The following PTBP2 variants were observed in gnomAD, a reference collection of about 807,000 sequenced individuals.
PTBP2 encodes the protein polypyrimidine tract binding protein 2.
A neutral mutation model predicts 61.4 loss-of-function variants in PTBP2; 13 were observed. That is an observed-to-expected ratio of 0.21 (90% CI 0.14 to 0.34). The LOEUF (loss-of-function observed/expected upper bound fraction) is 0.34, where lower values mean the gene tolerates loss of function less well. PTBP2 is among the 10% of genes least tolerant of loss of function. The probability of loss-of-function intolerance (pLI) is 1.00; values close to 1 mark genes in which losing one functional copy is unlikely to be tolerated. For synonymous variants in PTBP2, 215 were observed against 218.5 expected, an observed-to-expected ratio of 0.98 and a Z score of 0.14; for missense variants, 405 against 642.6, an observed-to-expected ratio of 0.63 and a Z score of 4.00.
At chr1:96,806,281 C>T (rs1427095451) in intron 9 of PTBP2, 138 bp from the exon 10 acceptor site, 19 of 724,842 alleles carry the variant, frequency 2.6e-5, no homozygotes, top group Middle Eastern at 2.4e-4. Context: ...CCCAATTAAC[C>T]GCCTTGAACC....
At chr1:96,768,167 C>T (rs1265915819) in intron 3 of PTBP2, among the ~76,000 whole-genome samples, 4 of 151,934 alleles carry the variant, frequency 2.6e-5, no homozygotes, top group South Asian at 2.1e-4. Flanking sequence ...CAGCATATAC[C>T]GTAGAAAGTA....
chr1:96,773,871 G>A (rs1657685867), intron 5 of PTBP2, among the ~76,000 whole-genome samples: 1 of 151,382 alleles, frequency 6.6e-6, no homozygotes, highest in African/African-American at 2.4e-5. Flanking sequence ...GCTGAGGCAG[G>A]AGAATGGTGC....
intron 7 of PTBP2, among the ~76,000 whole-genome samples, chr1:96,781,246 T>C (rs1658632099): frequency 6.6e-6 from 1 of 152,028 alleles, no homozygotes; most frequent in Admixed American, 6.6e-5. Flanking sequence ...CTGACTGAAC[T>C]CACCATTTTG....
In PTBP2 at chr1:96,806,902, A is replaced by G; in HGVS notation, c.1115A>G (p.Tyr372Cys). The change falls in exon 11 of 14, where the codon TAC (tyrosine) becomes TGC (cysteine). Residue 372 changes from tyrosine (Y) to cysteine (C), a missense_variant. Physicochemically the swap from Tyr to Cys is radical, Grantham distance 194. This residue lies in a region of PTBP2 where 342 missense variants were observed against 491.2 expected (regional missense o/e 0.70). Transcript: ENST00000674951. ...YGDVQRVKILYNKKDSALIQM... is the reference protein window; with the variant it reads ...YGDVQRVKILCNKKDSALIQM... ...GATGTGCAGCGTGTGAAGATTTTAT[A>G]CAATAAGAAAGACAGCGCTCTAATA... 1.9e-6 allele frequency: 3 copies of G among 1,612,372 alleles called. No homozygotes were observed. The highest frequency in any genetic ancestry group is 2.5e-6 in the Non-Finnish European group (3 of 1,179,480).
chr1:96,783,532 A>G (rs1023796672), intron 7 of PTBP2, among the ~76,000 whole-genome samples: 1 of 152,054 alleles, frequency 6.6e-6, no homozygotes, highest in Non-Finnish European at 1.5e-5. Flanking sequence ...ATTTTGTATC[A>G]GCACTTTTAG....
At chr1:96,736,467 CAGTT>C (rs1468086025) in intron 2 of PTBP2, among the ~76,000 whole-genome samples, 1 of 151,960 alleles carries the variant, frequency 6.6e-6, no homozygotes, top group East Asian at 1.9e-4. Context: ...GCTGTGTTGT[CAGTT>C]ACAGTAGCTA....
chr1:96,812,659 G>A lies in PTBP2; in HGVS notation c.1172-53G>A, dbSNP rs1303976284. 6.7e-6 allele frequency: 9 copies of A among 1,342,376 alleles called. No homozygotes were observed. In the East Asian group the frequency reaches 1.2e-4, roughly 18 times the overall value. The allele number at this position is 1,342,376 out of a possible 1,614,324, so 83.2% of individuals were successfully genotyped here. A position where few individuals can be genotyped will look rare whatever the true frequency, so the allele number is the denominator to read the frequency against. On this transcript the variant is annotated intron_variant, in intron 11 of 13. Transcript: ENST00000674951. ...TAAACTGTTACGTTAAAAGAATTAT[G>A]TTTGTTTTGAGCTTTGATATTGTTT...
intron 8 of PTBP2, among the ~76,000 whole-genome samples, chr1:96,795,633 A>T (rs1193990627): frequency 6.6e-6 from 1 of 152,252 alleles, no homozygotes; most frequent in Non-Finnish European, 1.5e-5. Context: ...AGTAGTGATC[A>T]TTCAGTACAG....
chr1:96,749,137 A>G (rs925964822), intron 2 of PTBP2, among the ~76,000 whole-genome samples: 2 of 152,202 alleles, frequency 1.3e-5, no homozygotes, highest in Non-Finnish European at 2.9e-5. Flanking sequence ...CCATGCAAAA[A>G]GATGCATTGC....
chr1:96,736,792 T>C (rs1402413914), intron 2 of PTBP2, among the ~76,000 whole-genome samples: 13 of 152,092 alleles, frequency 8.5e-5, no homozygotes, highest in Admixed American at 6.5e-4. Context: ...CCCTCCCACC[T>C]CAGCCTCCCA....
rs1262543833 is a variant in PTBP2, at chr1:96,734,223, T to C, written c.39+10629T>C. Among the ~76,000 whole-genome samples the C allele has an allele frequency of 2.6e-5, 4 of 152,158 alleles. No individual in the cohort carries two copies. The East Asian group carries it at 7.7e-4, about 29-fold the overall frequency. Reference sequence around the variant, plus strand: ...AACCATTAGTAACCCATAGCTAAAATGATGATATCCACACTCTGCTTTTCC... The same window carrying C: ...AACCATTAGTAACCCATAGCTAAAACGATGATATCCACACTCTGCTTTTCC... On this transcript the variant is annotated intron_variant, in intron 2 of 13. Coordinates refer to ENST00000674951, the MANE Select transcript of PTBP2 (RefSeq NM_021190.4).
chr1:96,806,683 T>C (rs1476348793), intron 10 of PTBP2, 183 bp from the exon 11 acceptor site: 1 of 661,546 alleles, frequency 1.5e-6, no homozygotes, highest in Non-Finnish European at 2.5e-6. Context: ...TATCAAAAAT[T>C]ATTCTTTTCA....
At chr1:96,734,758 T>A (rs1651916710) in intron 2 of PTBP2, among the ~76,000 whole-genome samples, 2 of 151,990 alleles carry the variant, frequency 1.3e-5, no homozygotes, top group Non-Finnish European at 2.9e-5. Flanking sequence ...TTTTTGGTAA[T>A]ATTTTTAAGT....
chr1:96,765,745 TAG>T (rs1656627467), intron 3 of PTBP2, among the ~76,000 whole-genome samples: 5 of 150,902 alleles, frequency 3.3e-5, no homozygotes, highest in African/African-American at 1.2e-4. Flanking sequence ...GATAGATAGA[TAG>T]ATACTGTGAA....
chr1:96,742,967 TTAGA>T (rs902403229), intron 2 of PTBP2, among the ~76,000 whole-genome samples: 5 of 152,202 alleles, frequency 3.3e-5, no homozygotes, highest in African/African-American at 7.2e-5. Flanking sequence ...TTTGTTGTTG[TTAGA>T]TAAAGTGAGT....
exon 14 of PTBP2, chr1:96,820,138 G>C (rs549114261): frequency 6.6e-6 from 1 of 151,876 alleles, no homozygotes; most frequent in Non-Finnish European, 1.5e-5. Context: ...TACTTCATAT[G>C]TTCACTTATA....
intron 8 of PTBP2, among the ~76,000 whole-genome samples, chr1:96,791,162 CTT>C (rs565777668): frequency 2.2e-3 from 335 of 152,116 alleles, no homozygotes; most frequent in African/African-American, 7.8e-3. Context: ...TAAAAAAAAT[CTT>C]TTGTGAAATG....
chr1:96,755,617 C>T (rs956000553), intron 3 of PTBP2, among the ~76,000 whole-genome samples: 1 of 152,148 alleles, frequency 6.6e-6, no homozygotes, highest in African/African-American at 2.4e-5. Flanking sequence ...CCTGTTTTGG[C>T]ATCATATGCT....
intron 3 of PTBP2, among the ~76,000 whole-genome samples, chr1:96,753,365 T>C (rs912849747): frequency 2.0e-5 from 3 of 152,068 alleles, no homozygotes; most frequent in African/African-American, 7.2e-5. Context: ...GTGCCATCTA[T>C]AAGACTGAGA....
Sources: gnomAD v4.1 joint callset for allele counts (sites outside exome capture counted in the v4.1 genomes callset) on GRCh38, gnomAD v4.1.1 for gene constraint, gnomAD v4.1.1 regional missense constraint, MANE v1.5 for transcripts, NCBI Gene and HGNC (gene_info 2026-07-23, HGNC 2026-07-21) for gene names.